The following MYH11 variants were observed in gnomAD, a reference collection of about 807,000 sequenced individuals.
MYH11 encodes myosin-11.
A neutral mutation model predicts 246.6 loss-of-function variants in MYH11; 80 were observed. The observed-to-expected ratio is 0.32, with a 90% CI of 0.27 to 0.39. The LOEUF (loss-of-function observed/expected upper bound fraction) is 0.39, where lower values mean the gene tolerates loss of function less well. Among genes scored for constraint, MYH11 ranks in the 10% least tolerant of loss-of-function variants. The pLI is 1.00. For missense variants in MYH11, 2,158 were observed against 2,546.8 expected, an observed-to-expected ratio of 0.85 and a Z score of 3.29; for synonymous variants, 1,071 against 1,015.5, an observed-to-expected ratio of 1.05 and a Z score of -1.04.
intron 10 of MYH11, among the ~76,000 whole-genome samples, chr16:15,762,019 G>C (rs961135839): frequency 6.6e-6 from 1 of 152,236 alleles, no homozygotes; most frequent in Non-Finnish European, 1.5e-5. Flanking sequence ...CTGTTACCCA[G>C]GCTGGAGTGC....
intron 40 of MYH11, among the ~76,000 whole-genome samples, chr16:15,712,645 C>T (rs894596885): frequency 9.2e-5 from 14 of 152,096 alleles, no homozygotes; most frequent in Admixed American, 9.2e-4. Context: ...AAGCAGGTTT[C>T]GAGGTGAGGG....
At chr16:15,737,680 G>A (rs1461758067) in intron 24 of MYH11, 60 bp from the exon 25 acceptor site, 9 of 1,587,686 alleles carry the variant, frequency 5.7e-6, no homozygotes, top group African/African-American at 5.4e-5. Flanking sequence ...CCGGAAATGA[G>A]CCTTCCTGCC....
intron 40 of MYH11, chr16:15,713,198 G>C: frequency 6.6e-6 from 1 of 151,940 alleles, no homozygotes; most frequent in African/African-American, 2.4e-5. Flanking sequence ...AAGAGGGTCG[G>C]GTCCAATGGA....
At chr16:15,808,741 TA>T (rs1567190566) in intron 3 of MYH11, among the ~76,000 whole-genome samples, 2 of 151,980 alleles carry the variant, frequency 1.3e-5, no homozygotes, top group Non-Finnish European at 2.9e-5. Flanking sequence ...AAATTTTTTT[TA>T]ATTAGCTGTG....
chr16:15,734,849 G>T (rs890809744), intron 26 of MYH11, among the ~76,000 whole-genome samples: 2 of 152,100 alleles, frequency 1.3e-5, no homozygotes, highest in African/African-American at 4.8e-5. Flanking sequence ...CCAAAAGATT[G>T]TACATCCCTG....
At chr16:15,760,243 TGATG>T (rs1328490236) in intron 11 of MYH11, among the ~76,000 whole-genome samples, 1 of 151,154 alleles carries the variant, frequency 6.6e-6, no homozygotes, top group Admixed American at 6.6e-5. Flanking sequence ...GCTGGATGGG[TGATG>T]GATGGACGGA....
intron 13 of MYH11, 148 bp from the exon 14 acceptor site, chr16:15,756,662 A>T (rs1307962038): frequency 1.3e-5 from 11 of 817,830 alleles, no homozygotes; most frequent in Non-Finnish European, 2.2e-5. Flanking sequence ...TATGACCCCC[A>T]TGCTTCCAAA....
rs538924532 is a variant in MYH11 at position 15,705,545 on chromosome 16, C to T, written c.5787-1422G>A. On this transcript the variant is annotated intron_variant, in intron 40 of 40. Coordinates refer to ENST00000300036, the MANE Select transcript of MYH11 (RefSeq NM_002474.3). ...AACAAATAATTATGTTGGGCTCTGG[C>T]CATCTGGCCCTGTTTGACCTGAATC... 7.0e-4 allele frequency among the ~76,000 whole-genome samples: 106 copies of T among 152,320 alleles called. 1 individual carries two copies. Among genetic ancestry groups the T allele is most frequent in the African/African-American group, 2.5e-3 (103 of 41,574 alleles).
chr16:15,707,959 CAAAAAAA>C (rs59081092), intron 40 of MYH11, among the ~76,000 whole-genome samples: 3 of 115,964 alleles, frequency 2.6e-5, no homozygotes, highest in Non-Finnish European at 3.5e-5. Context: ...GACTCCGTCT[CAAAAAAA>C]AAAAAAAAAA....
chr16:15,703,903 C>T lies in MYH11; in HGVS notation c.*88G>A. On this transcript the variant is annotated 3_prime_UTR_variant, in exon 41 of 41. Transcript: ENST00000300036. ...GCTAAGTACAGTCTGCTGGGTTTTGCTTTGTTCTGGGTTGTTGTTGGGTTT... is the reference window on the plus strand; with the variant it reads ...GCTAAGTACAGTCTGCTGGGTTTTGTTTTGTTCTGGGTTGTTGTTGGGTTT... 1 of 1,580,954 alleles carries T rather than the reference C, an allele frequency of 6.3e-7. No homozygotes were observed. Among genetic ancestry groups the T allele is most frequent in the Non-Finnish European group, 8.7e-7 (1 of 1,152,502 alleles).
Position 15,715,119 on chromosome 16 carries a change from G to A in MYH11, c.5614-38C>T, listed in dbSNP as rs200323249. 2,983 of 1,612,040 alleles carry A rather than the reference G, an allele frequency of 1.9e-3. 4 individuals carry two copies. The highest frequency in any genetic ancestry group is 2.1e-3 in the South Asian group (192 of 91,060). On this transcript the variant is annotated intron_variant, in intron 39 of 40. Coordinates refer to ENST00000300036, the MANE Select transcript of MYH11 (RefSeq NM_002474.3). ...GTTGGAGGGGTGGTTAGGGGAGGCC[G>A]GCTGGGGGCTGGGGGCTCGAGGGAG...
chr16:15,836,678 G>A (rs215583), intron 2 of MYH11, among the ~76,000 whole-genome samples: 50,549 of 150,426 alleles, frequency 0.34, 9,197 homozygotes, highest in Admixed American at 0.42. Context: ...GGGATTACAG[G>A]TGTGAGCCCA....
At position 15,767,799 on chromosome 16, in the gene MYH11, C is replaced by A. The variant is rs1805696393; in HGVS notation, c.1033+3770G>T. Among the ~76,000 whole-genome samples, 2 of 151,904 alleles carry A rather than the reference C, an allele frequency of 1.3e-5. 1 individual carries two copies. The highest frequency in any genetic ancestry group is 4.1e-4 in the South Asian group (2 of 4,822). On this transcript the variant is annotated intron_variant, in intron 9 of 40. Transcript: ENST00000300036. ...TGCCACATGAAGGATGAGGCAGAGA[C>A]TGGAGTGAGACAAGCCAAGGAAAAG...
intron 19 of MYH11, 42 bp from the exon 20 acceptor site, chr16:15,745,279 C>T (rs1032006235): frequency 7.0e-7 from 1 of 1,427,412 alleles, no homozygotes; most frequent in Non-Finnish European, 9.9e-7. Context: ...CATGAAGCCA[C>T]ACCCTGCTGT....
chr16:15,767,077 G>A (rs1458074734), intron 9 of MYH11, among the ~76,000 whole-genome samples: 1 of 152,058 alleles, frequency 6.6e-6, no homozygotes, highest in African/African-American at 2.4e-5. Flanking sequence ...GCAGATGGAG[G>A]GTGAATGGAT....
At chr16:15,737,368 C>G in intron 25 of MYH11, 81 bp downstream of exon 25, 1 of 1,582,274 alleles carries the variant, frequency 6.3e-7, no homozygotes. Flanking sequence ...TTGACCAAGA[C>G]AGCCACTGCG....
At position 15,703,731 on chromosome 16, in the gene MYH11, G is replaced by T. The variant is rs565951023; in HGVS notation, c.*260C>A. On this transcript the variant is annotated 3_prime_UTR_variant, in exon 41 of 41. Coordinates refer to ENST00000300036, the MANE Select transcript of MYH11 (RefSeq NM_002474.3). The stretch of plus-strand genomic sequence containing the variant: ...AGCCTCCCTAGTAGCTGGGACCACA[G>T]GTGTGTACCACCACGCCCAGCTTAT... The T allele has an allele frequency of 2.0e-6, 1 of 495,034 alleles. No individual in the cohort carries two copies. The highest frequency in any genetic ancestry group is 3.2e-5 in the Admixed American group (1 of 31,632). The allele number at this position is 495,034 out of a possible 1,614,324, so 30.7% of individuals were successfully genotyped here. A position where few individuals can be genotyped will look rare whatever the true frequency, so the allele number is the denominator to read the frequency against.
chr16:15,812,117 G>GA (rs1347250218), intron 3 of MYH11, among the ~76,000 whole-genome samples: 16 of 152,166 alleles, frequency 1.1e-4, no homozygotes, highest in Admixed American at 7.9e-4. Context: ...CCGTGGGATT[G>GA]AGGGGGATCC....
chr16:15,839,633 G>A (rs1239553726), intron 1 of MYH11, among the ~76,000 whole-genome samples: 1 of 151,954 alleles, frequency 6.6e-6, no homozygotes, highest in Non-Finnish European at 1.5e-5. Flanking sequence ...GGCGGAGGTT[G>A]CAGTGAGCTG....
Sources: gnomAD v4.1 joint callset for allele counts (sites outside exome capture counted in the v4.1 genomes callset) on GRCh38, gnomAD v4.1.1 for gene constraint, MANE v1.5 for transcripts, NCBI Gene and HGNC (gene_info 2026-07-23, HGNC 2026-07-21) for gene names.